Variants in ANKRD35 observed in about 807,000 individuals in gnomAD.
ANKRD35 encodes ankyrin repeat domain-containing protein 35.
A neutral mutation model predicts 109.9 loss-of-function variants in ANKRD35; 102 were observed. The observed-to-expected ratio is 0.93, with a 90% CI of 0.79 to 1.09. The LOEUF (loss-of-function observed/expected upper bound fraction) is 1.09, where lower values mean the gene tolerates loss of function less well. Ranked by LOEUF, ANKRD35 falls within the 50% of genes least tolerant of loss-of-function variation. ANKRD35 has a pLI of 0.00. For synonymous variants in ANKRD35, 515 were observed against 512.4 expected (o/e 1.01, Z -0.07); for missense variants, 1,240 against 1,230.1 (o/e 1.01, Z -0.12).
Position 145,867,403 on chromosome 1 carries a change from CAGGAAAGGA to C in ANKRD35, c.2944-20_2944-12del. ...ATGTTCCATGTAACCCTGTAGATGT[CAGGAAAGGA>C]AGAAAAGGAGATGAAGAACAGAAAA... On this transcript the variant is annotated splice_polypyrimidine_tract_variant and intron_variant, in intron 12 of 13. Coordinates refer to ENST00000355594, the MANE Select transcript of ANKRD35 (RefSeq NM_144698.5). 1 of 1,612,772 alleles carries C rather than the reference CAGGAAAGGA, an allele frequency of 6.2e-7. No homozygotes were observed. The highest frequency in any genetic ancestry group is 8.5e-7 in the Non-Finnish European group (1 of 1,179,168).
intron 7 of ANKRD35, among the ~76,000 whole-genome samples, 186 bp from the exon 8 acceptor site, chr1:145,875,192 C>A (rs1654021680): frequency 6.6e-6 from 1 of 151,812 alleles, no homozygotes; most frequent in Non-Finnish European, 1.5e-5. Context: ...GTTGCCCAGG[C>A]TGGAGTGCAA....
rs1654453931 is a variant in ANKRD35, at chr1:145,885,767, T to G, written c.-9A>C. The G allele has an allele frequency of 6.2e-7, 1 of 1,612,168 alleles. No individual in the cohort carries two copies. Among genetic ancestry groups the G allele is most frequent in the Non-Finnish European group, 8.5e-7 (1 of 1,178,746 alleles). On this transcript the variant is annotated 5_prime_UTR_variant, in exon 1 of 14. Coordinates refer to ENST00000355594, the MANE Select transcript of ANKRD35 (RefSeq NM_144698.5). The stretch of plus-strand genomic sequence containing the variant: ...GAGAAGATACGCTTCATGGCCGGGG[T>G]CGGGGCCACGGGGGATGGGGACGCG...
At chr1:145,879,614 A>G (rs1347250209) in intron 1 of ANKRD35, among the ~76,000 whole-genome samples, 1 of 152,116 alleles carries the variant, frequency 6.6e-6, no homozygotes, top group East Asian at 1.9e-4. Context: ...GCCCTGAGCC[A>G]GAAGGACCCT....
intron 1 of ANKRD35, among the ~76,000 whole-genome samples, chr1:145,880,123 T>C (rs1160075918): frequency 6.6e-6 from 1 of 152,172 alleles, no homozygotes; most frequent in African/African-American, 2.4e-5. Flanking sequence ...CCAGTTTCCC[T>C]GGCAGGGAGC....
At position 145,872,932 on chromosome 1, in the gene ANKRD35, G is replaced by T. The variant is rs143087712; in HGVS notation, c.1837C>A (p.Leu613Met). 5.7e-4 allele frequency: 925 copies of T among 1,611,888 alleles called. 4 individuals are homozygous for T. In the African/African-American group the frequency reaches 0.01, roughly 18 times the overall value. The change falls in exon 10 of 14, where the codon CTG becomes ATG. Residue 613 changes from leucine to methionine, a missense_variant. Leu to Met is a conservative substitution (Grantham distance 15). Coordinates refer to ENST00000355594, the MANE Select transcript of ANKRD35 (RefSeq NM_144698.5). ...KALGGLAKGQ[L>M]EKEMSVLRLS... ...CTCAGTACTGACATCTCCTTCTCCA[G>T]CTGTCCCTTTGCCAGGCCTCCTAGG...
rs782363213 is a variant in ANKRD35 at position 145,868,334 on chromosome 1, C to A, written c.2854G>T (p.Ala952Ser). The stretch of plus-strand genomic sequence containing the variant: ...ACCTGCAGCTGCAGGGCAAGGCGAG[C>A]ATTTTCTCCCCGAATTGCTAGAACC... ...EEVLAIRGEN[A>S]RLALQLQDSQ... Residue 952 changes from alanine to serine, a missense_variant, in exon 11 of 14, where the codon GCT becomes TCT. Physicochemically the swap from Ala to Ser is moderately conservative, Grantham distance 99. Coordinates refer to ENST00000355594, the MANE Select transcript of ANKRD35 (RefSeq NM_144698.5). 5 of 1,614,234 alleles carry A rather than the reference C, an allele frequency of 3.1e-6. No individual in the cohort carries two copies. The South Asian group carries it at 5.5e-5, about 18-fold the overall frequency.
At chr1:145,882,610 C>T (rs1180746247) in intron 1 of ANKRD35, among the ~76,000 whole-genome samples, 3 of 152,012 alleles carry the variant, frequency 2.0e-5, no homozygotes, top group African/African-American at 7.3e-5. Flanking sequence ...CTTTTCTTTC[C>T]AGCTAGATAG....
At chr1:145,876,020 A>G in intron 7 of ANKRD35, 120 bp downstream of exon 7, 1 of 872,562 alleles carries the variant, frequency 1.1e-6, no homozygotes, top group Non-Finnish European at 1.8e-6. Flanking sequence ...CCAAGAACAC[A>G]AAGACCAACC....
intron 7 of ANKRD35, 116 bp downstream of exon 7, chr1:145,876,024 A>T: frequency 4.5e-6 from 4 of 896,580 alleles, no homozygotes; most frequent in Non-Finnish European, 6.8e-6. Flanking sequence ...GAACACAAAG[A>T]CCAACCTGAC....
intron 10 of ANKRD35, among the ~76,000 whole-genome samples, chr1:145,871,153 CTTT>C (rs59433424): frequency 2.6e-5 from 2 of 78,096 alleles, no homozygotes; most frequent in African/African-American, 9.3e-5. Flanking sequence ...TTTCTTTTTT[CTTT>C]TTTTTTTTTT....
intron 6 of ANKRD35, 129 bp downstream of exon 6, chr1:145,876,440 A>G: frequency 5.8e-6 from 7 of 1,199,768 alleles, no homozygotes; most frequent in Non-Finnish European, 8.5e-6. Context: ...GAAGAGGAGA[A>G]GCAGGAGGAG....
intron 4 of ANKRD35, among the ~76,000 whole-genome samples, 165 bp downstream of exon 4, chr1:145,877,803 C>T (rs1230440062): frequency 6.6e-6 from 1 of 152,170 alleles, no homozygotes; most frequent in Non-Finnish European, 1.5e-5. Flanking sequence ...GGTGCCTGCA[C>T]ATAGTAGTTA....
intron 1 of ANKRD35, among the ~76,000 whole-genome samples, chr1:145,882,002 T>C (rs1233127789): frequency 6.9e-6 from 1 of 144,008 alleles, no homozygotes; most frequent in Non-Finnish European, 1.5e-5. Flanking sequence ...TCGCCCAGGC[T>C]GGAGTGCAGT....
At chr1:145,879,466 T>A (rs1654211557) in intron 1 of ANKRD35, 78 bp from the exon 2 acceptor site, 1 of 1,350,272 alleles carries the variant, frequency 7.4e-7, no homozygotes, top group Non-Finnish European at 9.7e-7. Flanking sequence ...ATGGTTAGGA[T>A]GCCAAATGAG....
In ANKRD35 at chr1:145,867,378, A is replaced by G. The variant is rs782407472; in HGVS notation, c.2958T>C (p.His986=). 6.2e-7 allele frequency: 1 copy of G among 1,613,878 alleles called. No individual in the cohort carries two copies. The highest frequency in any genetic ancestry group is 1.1e-5 in the South Asian group (1 of 91,070). Residue 986 remains histidine (H), a synonymous_variant, in exon 13 of 14, where the codon CAT becomes CAC. Transcript: ENST00000355594. ...LLNAARGYME[H]EVYNILLQIL... is the part of the protein sequence containing the mutation. ...TTTGCAGCAGGATATTGTACACTTC[A>G]TGTTCCATGTAACCCTGTAGATGTC...
Position 145,879,120 on chromosome 1 carries a change from A to T in ANKRD35, c.170+138T>A, listed in dbSNP as rs587700147. 3.4e-5 allele frequency: 41 copies of T among 1,192,994 alleles called. No homozygotes were observed. In the African/African-American group the frequency reaches 5.8e-4, roughly 17 times the overall value. The allele number at this position is 1,192,994 out of a possible 1,614,324, so 73.9% of individuals were successfully genotyped here. The stretch of plus-strand genomic sequence containing the variant: ...GTGTAGAACTTATATGTAGCAAAAA[A>T]CTATTGATATACTTGCTAATTAAGA... On this transcript the variant is annotated intron_variant, in intron 2 of 13. Transcript: ENST00000355594.
In ANKRD35 at chr1:145,876,647, G is replaced by A; in HGVS notation, c.383-8C>T. 1 of 1,614,126 alleles carries A rather than the reference G, an allele frequency of 6.2e-7. No individual in the cohort carries two copies. Among genetic ancestry groups the A allele is most frequent in the Non-Finnish European group, 8.5e-7 (1 of 1,180,026 alleles). On this transcript the variant is annotated splice_polypyrimidine_tract_variant and splice_region_variant and intron_variant, in intron 5 of 13. Coordinates refer to ENST00000355594, the MANE Select transcript of ANKRD35 (RefSeq NM_144698.5). ...AGGCACAGCCAGAGGAGGCTGGGGAGAAGATGTTTGGGTTAAGGGGAAGCA... is the reference window on the plus strand; with the variant it reads ...AGGCACAGCCAGAGGAGGCTGGGGAAAAGATGTTTGGGTTAAGGGGAAGCA...
chr1:145,877,738 G>C (rs1466663983), intron 4 of ANKRD35, among the ~76,000 whole-genome samples: 1 of 152,108 alleles, frequency 6.6e-6, no homozygotes, highest in African/African-American at 2.4e-5. Flanking sequence ...TGACAAAATC[G>C]ATAGTGCCTG....
chr1:145,870,394 A>T, intron 10 of ANKRD35, among the ~76,000 whole-genome samples: 1 of 152,060 alleles, frequency 6.6e-6, no homozygotes, highest in Non-Finnish European at 1.5e-5. Context: ...ACCCAGCCCC[A>T]AATCTTTTAA....
Sources: gnomAD v4.1 joint callset for allele counts (sites outside exome capture counted in the v4.1 genomes callset) on GRCh38, gnomAD v4.1.1 for gene constraint, MANE v1.5 for transcripts, NCBI Gene and HGNC (gene_info 2026-07-23, HGNC 2026-07-21) for gene names.